Variants in DOCK2 observed in about 807,000 individuals in gnomAD.
DOCK2 encodes dedicator of cytokinesis 2.
In DOCK2, 87 loss-of-function variants were observed where a neutral mutation model predicts 248.9. The observed-to-expected ratio is 0.35, with a 90% CI of 0.29 to 0.42. The LOEUF (loss-of-function observed/expected upper bound fraction) is 0.42. Ranked by LOEUF, DOCK2 falls within the 10% of genes least tolerant of loss-of-function variation. The pLI, the probability that DOCK2 is intolerant of heterozygous loss-of-function variation, is 1.00. For missense variants in DOCK2, 1,747 were observed against 2,300.2 expected (o/e 0.76, Z 4.92); for synonymous variants, 805 against 821.6 (o/e 0.98, Z 0.35).
chr5:169,842,857 C>A (rs771070880), intron 27 of DOCK2, among the ~76,000 whole-genome samples: 13 of 152,160 alleles, frequency 8.5e-5, no homozygotes, highest in Non-Finnish European at 1.9e-4. Context: ...CTCAGTACTG[C>A]CAGTCCTATG....
chr5:170,075,658 G>A (rs545086647), intron 46 of DOCK2: 1 of 327,658 alleles, frequency 3.1e-6, no homozygotes, highest in East Asian at 6.5e-5. Context: ...GATTCTTTAA[G>A]GGGGCAATTT....
At chr5:169,882,141 G>A (rs962818660) in intron 27 of DOCK2, among the ~76,000 whole-genome samples, 1 of 152,164 alleles carries the variant, frequency 6.6e-6, no homozygotes, top group Non-Finnish European at 1.5e-5. Flanking sequence ...CAAGTCCTTT[G>A]TCACAATGAC....
chr5:170,081,910 A>G lies in DOCK2; in HGVS notation c.5356A>G (p.Thr1786Ala). ...CAACACATCTCCCCGCCTCAGCCAG[A>G]CCTTCCTCCAACTCTCAGATGGTGA... ...EANTSPRLSQ[T>A]FLQLSDGDKK... The change falls in exon 51 of 52, where the codon ACC (threonine) becomes GCC (alanine). Residue 1786 changes from threonine to alanine, a missense_variant. Thr to Ala is a moderately conservative substitution (Grantham distance 58, BLOSUM62 0). Transcript: ENST00000520908. The G allele has an allele frequency of 1.2e-6, 2 of 1,614,026 alleles. No individual in the cohort carries two copies. Among genetic ancestry groups the G allele is most frequent in the Non-Finnish European group, 1.7e-6 (2 of 1,179,990 alleles).
intron 27 of DOCK2, among the ~76,000 whole-genome samples, chr5:169,981,332 G>C (rs1375764039): frequency 6.6e-6 from 1 of 152,152 alleles, no homozygotes; most frequent in Non-Finnish European, 1.5e-5. Flanking sequence ...ATATACACGT[G>C]TATATATACA....
intron 22 of DOCK2, among the ~76,000 whole-genome samples, chr5:169,746,672 A>G (rs1243220024): frequency 1.3e-5 from 2 of 152,156 alleles, no homozygotes; most frequent in African/African-American, 4.8e-5. Context: ...ACAGGCAGGT[A>G]CCTGGAGACT....
intron 33 of DOCK2, among the ~76,000 whole-genome samples, chr5:170,026,637 T>C (rs1201553480): frequency 1.3e-5 from 2 of 152,198 alleles, no homozygotes; most frequent in Non-Finnish European, 2.9e-5. Context: ...GTAAAAACCA[T>C]TTTGCAACAA....
intron 27 of DOCK2, among the ~76,000 whole-genome samples, chr5:169,919,903 C>T (rs1440353759): frequency 1.3e-5 from 2 of 152,176 alleles, no homozygotes; most frequent in African/African-American, 4.8e-5. Context: ...AAGGATTTTA[C>T]TGTACTTATT....
Position 169,675,801 on chromosome 5 carries a change from C to T in DOCK2, c.470+1356C>T, listed in dbSNP as rs181197222. Among the ~76,000 whole-genome samples, 11 of 152,288 alleles carry T rather than the reference C, an allele frequency of 7.2e-5. No homozygotes were observed. In the East Asian group the frequency reaches 1.9e-3, roughly 27 times the overall value. On this transcript the variant is annotated intron_variant, in intron 6 of 51. Coordinates refer to ENST00000520908, the MANE Select transcript of DOCK2 (RefSeq NM_004946.3). The stretch of plus-strand genomic sequence containing the variant: ...AGCAGCCAGGCCAGGCTTTCTTGCC[C>T]TGACATAAGCACTAGGGGGAGGATT...
intron 1 of DOCK2, among the ~76,000 whole-genome samples, chr5:169,650,738 C>A (rs1286984451): frequency 6.6e-6 from 1 of 152,100 alleles, no homozygotes; most frequent in African/African-American, 2.4e-5. Flanking sequence ...TCCCTTTGAT[C>A]CTTGGCCATA....
At chr5:169,939,058 C>T (rs1332201411) in intron 27 of DOCK2, among the ~76,000 whole-genome samples, 2 of 151,764 alleles carry the variant, frequency 1.3e-5, no homozygotes, top group Non-Finnish European at 2.9e-5. Flanking sequence ...CATGCACCAC[C>T]ACGCCCTGCT....
chr5:169,775,306 G>A (rs1200260870), intron 25 of DOCK2, among the ~76,000 whole-genome samples: 1 of 152,234 alleles, frequency 6.6e-6, no homozygotes, highest in African/African-American at 2.4e-5. Context: ...TCAGCTCTGG[G>A]AGGAGAGACT....
At chr5:169,779,749 C>T (rs1765590645) in intron 25 of DOCK2, among the ~76,000 whole-genome samples, 1 of 152,012 alleles carries the variant, frequency 6.6e-6, no homozygotes, top group Admixed American at 6.6e-5. Context: ...TTCTGCTTCA[C>T]CCCATCCCTA....
At chr5:170,073,572 C>A (rs57437457) in intron 46 of DOCK2, among the ~76,000 whole-genome samples, 17,817 of 152,200 alleles carry the variant, frequency 0.12, 2,238 homozygotes, top group African/African-American at 0.32. Context: ...TGAACATGGA[C>A]TAGCTCTCCA....
chr5:169,805,130 G>C (rs1767275885), intron 26 of DOCK2, among the ~76,000 whole-genome samples: 1 of 150,880 alleles, frequency 6.6e-6, no homozygotes, highest in Non-Finnish European at 1.5e-5. Context: ...TGTGATCCCA[G>C]CATTTTGGGT....
chr5:170,064,584 A>G (rs1012706487), intron 44 of DOCK2, among the ~76,000 whole-genome samples: 1 of 152,078 alleles, frequency 6.6e-6, no homozygotes, highest in East Asian at 1.9e-4. Flanking sequence ...AAAGAATGAA[A>G]AAGAATGAGA....
At chr5:169,824,222 A>G (rs1768685483) in intron 26 of DOCK2, among the ~76,000 whole-genome samples, 1 of 152,192 alleles carries the variant, frequency 6.6e-6, no homozygotes, top group Non-Finnish European at 1.5e-5. Context: ...ATTCAATGCC[A>G]TCCCCATCAA....
At chr5:169,742,834 G>A (rs996903133) in intron 22 of DOCK2, among the ~76,000 whole-genome samples, 1 of 152,148 alleles carries the variant, frequency 6.6e-6, no homozygotes, top group Non-Finnish European at 1.5e-5. Flanking sequence ...GCCGAGCATC[G>A]CTATATTTAT....
chr5:169,981,209 T>A (rs1046269064), intron 27 of DOCK2, among the ~76,000 whole-genome samples: 1 of 152,178 alleles, frequency 6.6e-6, no homozygotes, highest in Non-Finnish European at 1.5e-5. Flanking sequence ...TAGAAACAAA[T>A]GAAAATCCAT....
intron 27 of DOCK2, among the ~76,000 whole-genome samples, chr5:169,912,146 G>A (rs555082880): frequency 1.3e-5 from 2 of 152,308 alleles, no homozygotes; most frequent in East Asian, 3.9e-4. Context: ...AAAAAGGAAA[G>A]CGACTATTAT....
Sources: gnomAD v4.1 joint callset for allele counts (sites outside exome capture counted in the v4.1 genomes callset) on GRCh38, gnomAD v4.1.1 for gene constraint, MANE v1.5 for transcripts, NCBI Gene and HGNC (gene_info 2026-07-23, HGNC 2026-07-21) for gene names.